Variants in WNK1 observed in about 807,000 individuals in gnomAD.
The protein encoded by WNK1 is WNK lysine deficient protein kinase 1.
In WNK1, 38 loss-of-function variants were observed where a neutral mutation model predicts 222.8. That is an observed-to-expected ratio of 0.17 (90% CI 0.13 to 0.22). The LOEUF (loss-of-function observed/expected upper bound fraction) is 0.22, where lower values mean the gene tolerates loss of function less well. Ranked by LOEUF, WNK1 falls within the 10% of genes least tolerant of loss-of-function variation. The probability of loss-of-function intolerance (pLI) is 1.00; values close to 1 mark genes in which losing one functional copy is unlikely to be tolerated. For synonymous variants in WNK1, 1,090 were observed against 1,092.9 expected, an observed-to-expected ratio of 1.00 and a Z score of 0.05; for missense variants, 2,348 against 2,918.4, an observed-to-expected ratio of 0.80 and a Z score of 4.50.
intron 1 of WNK1, among the ~76,000 whole-genome samples, chr12:794,490 C>G (rs1395201083): frequency 7.3e-6 from 1 of 137,056 alleles, no homozygotes; most frequent in Non-Finnish European, 1.5e-5. Flanking sequence ...TTCCTTTTTC[C>G]TAGTTGGTTG....
chr12:874,885 T>C (rs1281684544), intron 9 of WNK1, among the ~76,000 whole-genome samples: 1 of 151,842 alleles, frequency 6.6e-6, no homozygotes, highest in Non-Finnish European at 1.5e-5. Flanking sequence ...TACCCAATTA[T>C]GTCCAAAAAA....
At position 772,184 on chromosome 12, in the gene WNK1, A is replaced by C. The variant is rs188817442; in HGVS notation, c.759+17860A>C. On this transcript the variant is annotated intron_variant, in intron 1 of 27. Coordinates refer to ENST00000315939, the MANE Select transcript of WNK1 (RefSeq NM_018979.4). ...TAGAGGAGGAAAAAGGAAATAAAAA[A>C]TCACCTGCAGTCAGTATCTTTATCC... 4.2e-4 allele frequency among the ~76,000 whole-genome samples: 64 copies of C among 152,330 alleles called. 1 individual carries two copies. The highest frequency in any genetic ancestry group is 3.4e-3 in the Middle Eastern group (1 of 294).
intron 1 of WNK1, among the ~76,000 whole-genome samples, chr12:795,273 T>C (rs1163955569): frequency 6.6e-6 from 1 of 151,374 alleles, no homozygotes; most frequent in Non-Finnish European, 1.5e-5. Flanking sequence ...TTTCTTGTTA[T>C]AGGTCTATTC....
chr12:811,848 A>G (rs910876837), intron 1 of WNK1, among the ~76,000 whole-genome samples: 2 of 152,210 alleles, frequency 1.3e-5, no homozygotes, highest in African/African-American at 2.4e-5. Flanking sequence ...TCTAACTTCA[A>G]ACATTAAGCA....
At chr12:787,436 G>A (rs1944417339) in intron 1 of WNK1, among the ~76,000 whole-genome samples, 4 of 152,142 alleles carry the variant, frequency 2.6e-5, no homozygotes. Context: ...CTTCACAGAG[G>A]TGTTGTTGAG....
chr12:900,708 T>A (rs1265516027), intron 26 of WNK1, 38 bp downstream of exon 26: 2 of 1,612,842 alleles, frequency 1.2e-6, no homozygotes, highest in Non-Finnish European at 1.7e-6. Context: ...AACAATAAAA[T>A]GGAGATGTTG....
chr12:781,239 T>G (rs767467703), intron 1 of WNK1: 7 of 154,912 alleles, frequency 4.5e-5, no homozygotes, highest in East Asian at 1.8e-4. Context: ...TTGCTTTACC[T>G]TGGTACAATT....
chr12:847,011 C>T (rs925501166), intron 4 of WNK1, among the ~76,000 whole-genome samples: 2 of 152,070 alleles, frequency 1.3e-5, no homozygotes, highest in Admixed American at 1.3e-4. Flanking sequence ...AGAAAAGTTC[C>T]AGTACTAGGG....
At chr12:818,922 ATGAATATT>A (rs1472834258) in intron 2 of WNK1, among the ~76,000 whole-genome samples, 1 of 152,230 alleles carries the variant, frequency 6.6e-6, no homozygotes, top group African/African-American at 2.4e-5. Flanking sequence ...TACTGCTGCT[ATGAATATT>A]TGTGCAGAAG....
intron 1 of WNK1, among the ~76,000 whole-genome samples, chr12:759,367 G>A (rs1331111642): frequency 1.4e-5 from 2 of 147,040 alleles, no homozygotes; most frequent in African/African-American, 2.4e-5. Context: ...GTCTCACTCT[G>A]TCGCCCAGGC....
intron 1 of WNK1, among the ~76,000 whole-genome samples, chr12:783,524 A>T (rs1045770053): frequency 7.0e-6 from 1 of 143,748 alleles, no homozygotes; most frequent in East Asian, 2.2e-4. Context: ...ATCCAGGCAC[A>T]GTGGCATGTG....
intron 2 of WNK1, among the ~76,000 whole-genome samples, chr12:824,419 A>T (rs1948182105): frequency 1.3e-5 from 2 of 152,052 alleles, no homozygotes; most frequent in African/African-American, 4.8e-5. Flanking sequence ...TTGTCCTTAT[A>T]CTTTCCTTAT....
chr12:812,825 A>C (rs2154008600), intron 1 of WNK1, among the ~76,000 whole-genome samples: 1 of 152,330 alleles, frequency 6.6e-6, no homozygotes, highest in African/African-American at 2.4e-5. Flanking sequence ...AAATTGTTTA[A>C]AAAGAAAAGA....
intron 27 of WNK1, 176 bp from the exon 28 acceptor site, chr12:908,299 C>A: frequency 1.3e-6 from 1 of 775,182 alleles, no homozygotes; most frequent in Non-Finnish European, 2.1e-6. Flanking sequence ...CACATGACAT[C>A]CCTCCCTCTC....
intron 9 of WNK1, among the ~76,000 whole-genome samples, chr12:877,313 C>T (rs1278151997): frequency 6.6e-6 from 1 of 152,160 alleles, no homozygotes; most frequent in Non-Finnish European, 1.5e-5. Context: ...GATCTGCCCA[C>T]CTCAGCCTCC....
At chr12:877,338 TACAGGCGTGA>T (rs776362941) in intron 9 of WNK1, among the ~76,000 whole-genome samples, 61 of 152,218 alleles carry the variant, frequency 4.0e-4, no homozygotes, top group Non-Finnish European at 7.1e-4. Flanking sequence ...GTGCTGGGAT[TACAGGCGTGA>T]GCCACCGCGC....
At chr12:859,607 A>T in intron 6 of WNK1, 143 bp downstream of exon 6, 4 of 428,152 alleles carry the variant, frequency 9.3e-6, no homozygotes, top group Admixed American at 4.2e-5. Context: ...GTTATCTTTG[A>T]TTAGTGGGAT....
chr12:862,591 C>T (rs72648694), intron 8 of WNK1, among the ~76,000 whole-genome samples: 1 of 152,074 alleles, frequency 6.6e-6, no homozygotes, highest in Non-Finnish European at 1.5e-5. Flanking sequence ...GCGGGTGGGG[C>T]GAGAAGAGTT....
rs1172452532 is a variant in WNK1, at chr12:861,140, A to G, written c.1748A>G (p.Lys583Arg). 6.8e-6 allele frequency: 11 copies of G among 1,614,024 alleles called. No individual in the cohort carries two copies. Among genetic ancestry groups the G allele is most frequent in the Non-Finnish European group, 9.3e-6 (11 of 1,179,954 alleles). Reference sequence around the variant, plus strand: ...GTACGGGAGGAGCAAGAAAAAAAAAAGCAGGAAGAGAGCAGTCTCAAACAG... The same window carrying G: ...GTACGGGAGGAGCAAGAAAAAAAAAGGCAGGAAGAGAGCAGTCTCAAACAG... Reference protein sequence around the residue: ...QLVREEQEKKKQEESSLKQQV... With the variant: ...QLVREEQEKKRQEESSLKQQV... Residue 583 changes from lysine (K) to arginine (R), a missense_variant, in exon 7 of 28, where the codon AAG becomes AGG. By Grantham distance (26) the Lys-to-Arg change is conservative. Coordinates refer to ENST00000315939, the MANE Select transcript of WNK1 (RefSeq NM_018979.4).
Sources: gnomAD v4.1 joint callset for allele counts (sites outside exome capture counted in the v4.1 genomes callset) on GRCh38, gnomAD v4.1.1 for gene constraint, MANE v1.5 for transcripts, NCBI Gene and HGNC (gene_info 2026-07-23, HGNC 2026-07-21) for gene names.